Variants in WWOX observed in about 807,000 individuals in gnomAD.
The protein encoded by WWOX is WW domain-containing oxidoreductase.
A neutral mutation model predicts 46.2 loss-of-function variants in WWOX; 69 were observed. The ratio of observed to expected loss-of-function variants is 1.49; its 90% confidence interval spans 1.23 to 1.82. The LOEUF (loss-of-function observed/expected upper bound fraction) is 1.82. Among genes scored for constraint, WWOX ranks in the 40% most tolerant of loss-of-function variants. The pLI is 0.00. For missense variants in WWOX, 919 were observed against 542.6 expected, an observed-to-expected ratio of 1.69 and a Z score of -6.89; for synonymous variants, 359 against 202.6, an observed-to-expected ratio of 1.77 and a Z score of -6.56.
chr16:78,765,648 C>G (rs1449751154), intron 8 of WWOX, among the ~76,000 whole-genome samples: 2 of 152,120 alleles, frequency 1.3e-5, no homozygotes, highest in Non-Finnish European at 2.9e-5. Context: ...CACTGCACTG[C>G]AGCTTGGGAA....
chr16:78,224,241 G>C (rs1356304820), intron 5 of WWOX, among the ~76,000 whole-genome samples: 2 of 152,026 alleles, frequency 1.3e-5, no homozygotes, highest in Non-Finnish European at 2.9e-5. Flanking sequence ...CTGACCTCGT[G>C]ATCCGCCTGC....
At chr16:78,451,184 T>C (rs1442764449) in intron 8 of WWOX, among the ~76,000 whole-genome samples, 1 of 152,164 alleles carries the variant, frequency 6.6e-6, no homozygotes, top group Non-Finnish European at 1.5e-5. Context: ...TTTTTAAAAT[T>C]AGAAATTAAA....
At chr16:78,755,568 A>G (rs2049623439) in intron 8 of WWOX, among the ~76,000 whole-genome samples, 1 of 152,180 alleles carries the variant, frequency 6.6e-6, no homozygotes, top group African/African-American at 2.4e-5. Context: ...TATTTAGTAA[A>G]TAGCCCTGCC....
intron 6 of WWOX, among the ~76,000 whole-genome samples, chr16:78,412,971 C>G (rs989379757): frequency 3.9e-5 from 6 of 152,094 alleles, no homozygotes; most frequent in Non-Finnish European, 5.9e-5. Context: ...TCCTTCTGTT[C>G]TGATTTTTCC....
intron 8 of WWOX, among the ~76,000 whole-genome samples, chr16:78,909,627 G>A (rs1288112096): frequency 6.6e-6 from 1 of 152,162 alleles, no homozygotes; most frequent in African/African-American, 2.4e-5. Context: ...TTAGATGAAA[G>A]TTCCCTTTCA....
intron 5 of WWOX, among the ~76,000 whole-genome samples, chr16:78,373,137 A>G (rs1014905122): frequency 1.3e-5 from 2 of 152,218 alleles, no homozygotes; most frequent in East Asian, 3.9e-4. Context: ...ATCTTTGTAA[A>G]AGCAGCGTGG....
chr16:78,318,394 GC>G (rs889118288), intron 5 of WWOX, among the ~76,000 whole-genome samples: 2 of 151,690 alleles, frequency 1.3e-5, no homozygotes, highest in Non-Finnish European at 2.9e-5. Flanking sequence ...AGCCGAGATT[GC>G]GTCACTGCAC....
intron 8 of WWOX, among the ~76,000 whole-genome samples, chr16:78,439,080 G>A (rs1567574184): frequency 6.6e-6 from 1 of 152,154 alleles, no homozygotes; most frequent in Non-Finnish European, 1.5e-5. Flanking sequence ...CTACACTATA[G>A]ATACTATCAA....
intron 6 of WWOX, among the ~76,000 whole-genome samples, chr16:78,418,486 G>T (rs1350499209): frequency 6.6e-6 from 1 of 152,000 alleles, no homozygotes; most frequent in East Asian, 1.9e-4. Context: ...AACAGAGGCA[G>T]ACAAAGATAT....
At chr16:78,829,258 C>T (rs542195045) in intron 8 of WWOX, among the ~76,000 whole-genome samples, 1 of 152,244 alleles carries the variant, frequency 6.6e-6, no homozygotes, top group South Asian at 2.1e-4. Context: ...AGCCAGCAAT[C>T]TGGAGATCCA....
At chr16:78,897,059 C>G (rs1349111981) in intron 8 of WWOX, 4 of 148,348 alleles carry the variant, frequency 2.7e-5, no homozygotes, top group East Asian at 4.0e-4. Context: ...GAAACCCCGC[C>G]TCCACTAAAA....
intron 8 of WWOX, among the ~76,000 whole-genome samples, chr16:78,497,715 A>T (rs1032846062): frequency 6.6e-6 from 1 of 152,224 alleles, no homozygotes; most frequent in African/African-American, 2.4e-5. Context: ...TTGGATTTCC[A>T]AAATGTGGAC....
At chr16:78,366,356 T>C (rs2081536862) in intron 5 of WWOX, among the ~76,000 whole-genome samples, 1 of 152,232 alleles carries the variant, frequency 6.6e-6, no homozygotes, top group Non-Finnish European at 1.5e-5. Context: ...CCTTAACTCT[T>C]CACGTTGTTT....
At chr16:78,260,527 G>A (rs936678468) in intron 5 of WWOX, among the ~76,000 whole-genome samples, 2 of 151,402 alleles carry the variant, frequency 1.3e-5, no homozygotes, top group Non-Finnish European at 2.9e-5. Context: ...AATTAGCTGG[G>A]CATGGTGGCA....
chr16:78,478,230 T>G (rs1050320730), intron 8 of WWOX, among the ~76,000 whole-genome samples: 1 of 152,340 alleles, frequency 6.6e-6, no homozygotes, highest in African/African-American at 2.4e-5. Context: ...GTAAAGGCTG[T>G]TACAAAATAC....
In WWOX at chr16:78,471,070, A is replaced by T. The variant is rs1482616480; in HGVS notation, c.1056+38318A>T. On this transcript the variant is annotated intron_variant, in intron 8 of 8. Transcript: ENST00000566780. Reference sequence around the variant, plus strand: ...TTTTCACTCTTCCTTCCTACCCTGGATGCTGATTTGATGCTTCCAGCCTTA... The same window carrying T: ...TTTTCACTCTTCCTTCCTACCCTGGTTGCTGATTTGATGCTTCCAGCCTTA... 2.6e-5 allele frequency among the ~76,000 whole-genome samples: 4 copies of T among 152,320 alleles called. No individual in the cohort carries two copies. The East Asian group carries it at 5.8e-4, about 22-fold the overall frequency.
intron 4 of WWOX, chr16:78,119,111 AACCAGTAGAGACAAG>A (rs560854081): frequency 1.3e-5 from 2 of 152,336 alleles, no homozygotes; most frequent in East Asian, 3.9e-4. Flanking sequence ...CCTGAATGCT[AACCAGTAGAGACAAG>A]GGAGGAATTC....
intron 8 of WWOX, among the ~76,000 whole-genome samples, chr16:79,046,326 G>C (rs1455415497): frequency 6.6e-6 from 1 of 152,172 alleles, no homozygotes; most frequent in East Asian, 1.9e-4. Flanking sequence ...AGATGATCAA[G>C]AAAAATTAGT....
chr16:78,388,779 G>C (rs2082114377), intron 6 of WWOX, among the ~76,000 whole-genome samples: 1 of 151,592 alleles, frequency 6.6e-6, no homozygotes, highest in African/African-American at 2.4e-5. Context: ...AGACCAGCCT[G>C]GGCAACAAGG....
Sources: allele counts gnomAD v4.1 joint callset (sites outside exome capture counted in the v4.1 genomes callset), GRCh38; gene constraint gnomAD v4.1.1; transcripts MANE v1.5; gene names NCBI Gene and HGNC (gene_info 2026-07-23, HGNC 2026-07-21).